DNMT1: variants seen among roughly 807,000 people sequenced by gnomAD.
DNMT1 encodes DNA (cytosine-5)-methyltransferase 1.
A neutral mutation model predicts 205.3 loss-of-function variants in DNMT1; 24 were observed. The ratio of observed to expected loss-of-function variants is 0.12; its 90% CI spans 0.08 to 0.16. The LOEUF (loss-of-function observed/expected upper bound fraction) is 0.16, where lower values mean the gene tolerates loss of function less well. Among genes scored for constraint, DNMT1 ranks in the 10% least tolerant of loss-of-function variants. DNMT1 has a pLI of 1.00. For missense variants in DNMT1, 1,293 were observed against 2,177.7 expected, an observed-to-expected ratio of 0.59 and a Z score of 8.09; for synonymous variants, 817 against 839.8, an observed-to-expected ratio of 0.97 and a Z score of 0.47.
chr19:10,160,296 C>T (rs1457351772), intron 14 of DNMT1, 88 bp downstream of exon 14: 1 of 1,591,836 alleles, frequency 6.3e-7, no homozygotes, highest in Non-Finnish European at 8.6e-7. Flanking sequence ...GTTGCTCTGG[C>T]AATTACTGAA....
Position 10,194,951 on chromosome 19 carries a change from C to A in DNMT1, c.-52G>T, listed in dbSNP as rs756100060. On this transcript the variant is annotated 5_prime_UTR_variant, in exon 1 of 41. Coordinates refer to ENST00000359526, the MANE Select transcript of DNMT1 (RefSeq NM_001130823.3). ...CGGCAGCGCAGGCGCCCCGGCTTTTCGCGCGGAAACCGATGGGGAGGGGCG... is the reference window on the plus strand; with the variant it reads ...CGGCAGCGCAGGCGCCCCGGCTTTTAGCGCGGAAACCGATGGGGAGGGGCG... 1.9e-6 allele frequency: 3 copies of A among 1,559,918 alleles called. No individual in the cohort carries two copies. Among genetic ancestry groups the A allele is most frequent in the Admixed American group, 3.8e-5 (2 of 52,472 alleles).
chr19:10,192,257 G>A (rs2039317932), intron 1 of DNMT1, among the ~76,000 whole-genome samples: 1 of 151,852 alleles, frequency 6.6e-6, no homozygotes, highest in African/African-American at 2.4e-5. Flanking sequence ...CTGCATTCCA[G>A]CCTGGGTGAC....
chr19:10,183,106 C>CGT (rs1250445833), intron 1 of DNMT1, among the ~76,000 whole-genome samples: 5 of 131,210 alleles, frequency 3.8e-5, no homozygotes, highest in South Asian at 2.4e-4. Flanking sequence ...CGTATATATA[C>CGT]GTGTGTATAT....
chr19:10,182,192 T>TTAACATATGA, intron 1 of DNMT1, 115 bp from the exon 2 acceptor site: 2 of 1,141,678 alleles, frequency 1.8e-6, no homozygotes, highest in Admixed American at 1.8e-5. Context: ...AACATATGAG[T>TTAACATATGA]GTTAGAAAAA....
At position 10,175,498 on chromosome 19, in the gene DNMT1, C is replaced by T. The variant is rs368375033; in HGVS notation, c.648+42G>A. The T allele has an allele frequency of 3.1e-6, 5 of 1,609,644 alleles. No individual in the cohort carries two copies. The African/African-American group carries it at 4.0e-5, about 13-fold the overall frequency. ...TATGAAGTCACAATCATCAAATACA[C>T]CAAGTTAAGGTAGAGTCAGGAAATG... On this transcript the variant is annotated intron_variant, in intron 7 of 40. Transcript: ENST00000359526.
Position 10,133,683 on chromosome 19 carries a change from T to G in DNMT1, c.4883A>C (p.Glu1628Ala). The G allele has an allele frequency of 6.3e-7, 1 of 1,597,496 alleles. No homozygotes were observed. The highest frequency in any genetic ancestry group is 8.5e-7 in the Non-Finnish European group (1 of 1,171,088). The change falls in exon 41 of 41, where the codon GAA becomes GCA. Residue 1628 changes from glutamate to alanine, a missense_variant. Glu to Ala is a moderately radical substitution (Grantham distance 107). Around this residue, in one of 13 missense-constraint regions of DNMT1, gnomAD observed 37 missense variants for 36.3 expected, o/e 1.02. Transcript: ENST00000359526. The surrounding 1 kb of genome is among the most constrained non-coding windows in gnomAD (Gnocchi z 4.1). ...AGGGCAGAACTAGTCCTTAGCAGCT[T>G]CCTCCTCCTTTATTTTAGCTGAAGG... ...ESASAKIKEE[E>A]AAKD
intron 6 of DNMT1, among the ~76,000 whole-genome samples, chr19:10,176,746 TACTC>T (rs1271176834): frequency 6.6e-6 from 1 of 152,054 alleles, no homozygotes; most frequent in South Asian, 2.1e-4. Context: ...TAATCCCAGA[TACTC>T]AGGAGGCTGA....
chr19:10,139,825 G>A lies in DNMT1; in HGVS notation c.3807-8C>T. ...CGGTAGTAGTCGCAGTAGCTGTAGG[G>A]GGCAGGAGAGACTGCAGGAGTCACC... On this transcript the variant is annotated splice_polypyrimidine_tract_variant and splice_region_variant and intron_variant, in intron 33 of 40. Transcript: ENST00000359526. 1.3e-6 allele frequency: 2 copies of A among 1,570,904 alleles called. No homozygotes were observed. Among genetic ancestry groups the A allele is most frequent in the Non-Finnish European group, 8.6e-7 (1 of 1,157,858 alleles).
intron 5 of DNMT1, among the ~76,000 whole-genome samples, chr19:10,179,624 G>A (rs1004593501): frequency 1.3e-5 from 2 of 152,126 alleles, no homozygotes; most frequent in African/African-American, 4.8e-5. Context: ...AAAGGAACCT[G>A]GACACACTGA....
In DNMT1 at chr19:10,182,549, GTA is replaced by G. The variant is rs531273804; in HGVS notation, c.81-474_81-473del. Among the ~76,000 whole-genome samples the G allele has an allele frequency of 2.5e-3, 357 of 144,544 alleles. 1 individual carries two copies. Among genetic ancestry groups the G allele is most frequent in the South Asian group, 4.7e-3 (22 of 4,640 alleles). 94.8% of individuals were successfully genotyped at this position (144,544 alleles called of 152,430 possible). On this transcript the variant is annotated intron_variant, in intron 1 of 40. Transcript: ENST00000359526. ...TGTATATGTGTATATATACATATGT[GTA>G]TATATATATACACACACACACAGCA...
At chr19:10,179,179 T>C (rs2038993143) in intron 5 of DNMT1, among the ~76,000 whole-genome samples, 1 of 151,068 alleles carries the variant, frequency 6.6e-6, no homozygotes, top group Non-Finnish European at 1.5e-5. Flanking sequence ...TGCCTAAAAC[T>C]GGGCAAGAGT....
chr19:10,161,386 T>C (rs2038568582), intron 13 of DNMT1, among the ~76,000 whole-genome samples: 1 of 152,194 alleles, frequency 6.6e-6, no homozygotes, highest in African/African-American at 2.4e-5. Context: ...CAGTGGCCCA[T>C]GCCTGTAATT....
chr19:10,138,608 G>A lies in DNMT1; in HGVS notation c.3949-3C>T, dbSNP rs1422432201. 3 of 1,602,116 alleles carry A rather than the reference G, an allele frequency of 1.9e-6. 1 individual carries two copies. Among genetic ancestry groups the A allele is most frequent in the South Asian group, 2.2e-5 (2 of 91,006 alleles). The stretch of plus-strand genomic sequence containing the variant: ...TGGGCCACGCCGTACTGACCGGCCT[G>A]TGGGGGAGAAGGACGGACAACCCCA... On this transcript the variant is annotated splice_polypyrimidine_tract_variant and splice_region_variant and intron_variant, in intron 34 of 40. Transcript: ENST00000359526. The surrounding 1 kb of genome is among the most constrained non-coding windows in gnomAD (Gnocchi z 4.1).
rs374155068 is a variant in DNMT1, at chr19:10,172,919, G to A, written c.768+171C>T. On this transcript the variant is annotated intron_variant, in intron 9 of 40. Transcript: ENST00000359526. ...AACCCACCTTTCATGTAGAGACCAC[G>A]AGAAAACAAGTTTGAAAGGTGTTTA... Among the ~76,000 whole-genome samples the A allele has an allele frequency of 2.6e-4, 39 of 152,156 alleles. No individual in the cohort carries two copies. The South Asian group carries it at 7.3e-3, about 28-fold the overall frequency.
rs978864962 is a variant in DNMT1 at position 10,154,449 on chromosome 19, C to A, written c.1863G>T (p.Arg621Ser). 1 of 1,614,246 alleles carries A rather than the reference C, an allele frequency of 6.2e-7. No individual in the cohort carries two copies. Among genetic ancestry groups the A allele is most frequent in the Non-Finnish European group, 8.5e-7 (1 of 1,180,038 alleles). ...RRAQARRQTI[R>S]HSTREKDRGP... ...CCCTGTCCTTCTCCCTGGTAGAATG[C>A]CTGATGGTCTGCCGCCTCGCCTGGG... The change falls in exon 22 of 41, where the codon AGG becomes AGT. Residue 621 changes from arginine to serine, a missense_variant. Arg to Ser is a moderately radical substitution (Grantham distance 110). Around this residue, in one of 13 missense-constraint regions of DNMT1, gnomAD observed 197 missense variants for 353.6 expected, o/e 0.56. Coordinates refer to ENST00000359526, the MANE Select transcript of DNMT1 (RefSeq NM_001130823.3). The surrounding 1 kb of genome is among the most constrained non-coding windows in gnomAD (Gnocchi z 6.3).
chr19:10,153,493 C>T (rs1460266154), intron 22 of DNMT1, among the ~76,000 whole-genome samples: 9 of 151,692 alleles, frequency 5.9e-5, no homozygotes, highest in African/African-American at 1.5e-4. Flanking sequence ...AAAAATTAGC[C>T]GGGTATGGTG....
In DNMT1 at chr19:10,194,733, G is replaced by A. The variant is rs3745269; in HGVS notation, c.80+87C>T. 5,714 of 1,479,644 alleles carry A rather than the reference G, an allele frequency of 3.9e-3. 120 individuals are homozygous for A. Among genetic ancestry groups the A allele is most frequent in the East Asian group, 0.036 (1,289 of 35,686 alleles). 91.7% of individuals were successfully genotyped at this position (1,479,644 alleles called of 1,614,324 possible). ...GCATGCGCGCCCGTCTGTCAGCAGC[G>A]GCCACCGGCCACCCCGAGGGGAAGC... On this transcript the variant is annotated intron_variant, in intron 1 of 40. Coordinates refer to ENST00000359526, the MANE Select transcript of DNMT1 (RefSeq NM_001130823.3).
chr19:10,148,234 C>G (rs6511611), intron 27 of DNMT1, among the ~76,000 whole-genome samples: 6 of 150,610 alleles, frequency 4.0e-5, no homozygotes, highest in Middle Eastern at 3.2e-3. Flanking sequence ...TGGTGGCTCA[C>G]GCCTGTAATC....
chr19:10,191,362 T>C (rs1261393768), intron 1 of DNMT1, among the ~76,000 whole-genome samples: 1 of 138,074 alleles, frequency 7.2e-6, no homozygotes, highest in Admixed American at 7.3e-5. Flanking sequence ...ATTTTCAAAA[T>C]GTAAAAAAAA....
Sources: gnomAD v4.1 joint callset for allele counts (sites outside exome capture counted in the v4.1 genomes callset) on GRCh38, gnomAD v4.1.1 for gene constraint, gnomAD v4.1.1 regional missense constraint, Gnocchi (gnomAD v3.1) non-coding constraint, MANE v1.5 for transcripts, NCBI Gene and HGNC (gene_info 2026-07-23, HGNC 2026-07-21) for gene names.